The following GABPB1 variants were observed in gnomAD, a reference collection of about 807,000 sequenced individuals.
The protein encoded by GABPB1 is GA-binding protein subunit beta-1.
Under a neutral mutation model 45.9 loss-of-function variants are expected in GABPB1, and 15 were observed. That is an observed-to-expected ratio of 0.33 (90% CI 0.22 to 0.50). The LOEUF (loss-of-function observed/expected upper bound fraction) is 0.50, where lower values mean the gene tolerates loss of function less well. Among genes scored for constraint, GABPB1 ranks in the 20% least tolerant of loss-of-function variants. The pLI is 0.98. For synonymous variants in GABPB1, 143 were observed against 154.4 expected (o/e 0.93, Z 0.55); for missense variants, 252 against 457.5 (o/e 0.55, Z 4.10).
intron 1 of GABPB1, among the ~76,000 whole-genome samples, chr15:50,312,384 T>C (rs2047161491): frequency 6.6e-6 from 1 of 152,194 alleles, no homozygotes; most frequent in Non-Finnish European, 1.5e-5. Flanking sequence ...TTTTCTCCTA[T>C]TCTCTCATAC....
chr15:50,282,654 G>A (rs1232727859), intron 8 of GABPB1, among the ~76,000 whole-genome samples: 2 of 145,916 alleles, frequency 1.4e-5, no homozygotes, highest in Admixed American at 7.0e-5. Flanking sequence ...AGATTGAAAA[G>A]CTTTGCATCA....
intron 3 of GABPB1, among the ~76,000 whole-genome samples, chr15:50,303,615 G>C (rs568303789): frequency 1.3e-5 from 2 of 151,584 alleles, no homozygotes; most frequent in African/African-American, 4.8e-5. Context: ...CCAGGAGGTG[G>C]AGGTTGCAGT....
At chr15:50,283,696 G>C (rs1396211533) in intron 8 of GABPB1, among the ~76,000 whole-genome samples, 1 of 152,008 alleles carries the variant, frequency 6.6e-6, no homozygotes, top group African/African-American at 2.4e-5. Flanking sequence ...TTTTTTAGTA[G>C]AGATGGGGTT....
At chr15:50,346,362 A>G (rs1048262360) in intron 1 of GABPB1, 2 of 152,198 alleles carry the variant, frequency 1.3e-5, no homozygotes, top group African/African-American at 4.8e-5. Context: ...AAATCTTCAT[A>G]ATTACTCACC....
intron 6 of GABPB1, 111 bp from the exon 7 acceptor site, chr15:50,289,779 C>CTTTTTT (rs140176493): frequency 0.29 from 211,883 of 731,880 alleles, 22,904 homozygotes; most frequent in Admixed American, 0.34. Context: ...TTTCTTTTTT[C>CTTTTTT]TTTTTTAAAT....
chr15:50,343,049 A>G lies in GABPB1; in HGVS notation c.-1+11936T>C, dbSNP rs572327959. 3.3e-5 allele frequency among the ~76,000 whole-genome samples: 5 copies of G among 152,128 alleles called. No individual in the cohort carries two copies. The East Asian group carries it at 7.7e-4, about 24-fold the overall frequency. The stretch of plus-strand genomic sequence containing the variant: ...CGAGTAGCTGGGACTACAGGCGCCC[A>G]CCACCACACCCGGCTAATTTTTTGT... On this transcript the variant is annotated intron_variant, in intron 1 of 8. Transcript: ENST00000380877.
intron 1 of GABPB1, among the ~76,000 whole-genome samples, chr15:50,342,979 C>G (rs1315648118): frequency 0.025 from 1 of 40 alleles, no homozygotes; most frequent in Non-Finnish European, 0.036. Flanking sequence ...TGGCTCACTG[C>G]AAGTCCGCCT....
chr15:50,332,956 A>G (rs1002620147), intron 1 of GABPB1, among the ~76,000 whole-genome samples: 15 of 152,056 alleles, frequency 9.9e-5, no homozygotes, highest in Admixed American at 1.3e-4. Context: ...GTGATTTGAG[A>G]TCAATTTCAT....
intron 8 of GABPB1, among the ~76,000 whole-genome samples, chr15:50,279,012 A>C (rs2045896468): frequency 6.6e-6 from 1 of 152,130 alleles, no homozygotes; most frequent in Admixed American, 6.5e-5. Flanking sequence ...CAAGGAAATT[A>C]TTTTCCTATT....
intron 1 of GABPB1, among the ~76,000 whole-genome samples, chr15:50,328,466 G>C (rs1285949368): frequency 6.6e-6 from 1 of 151,806 alleles, no homozygotes; most frequent in African/African-American, 2.4e-5. Context: ...TCTTCCATAT[G>C]TCTTACAAAC....
chr15:50,352,236 G>A (rs1451329404), intron 1 of GABPB1: 1 of 151,748 alleles, frequency 6.6e-6, no homozygotes, highest in Non-Finnish European at 1.5e-5. Context: ...TGGTACTGAG[G>A]GGCAAAAGAA....
intron 1 of GABPB1, among the ~76,000 whole-genome samples, chr15:50,333,107 T>C (rs12909337): frequency 0.19 from 28,816 of 151,968 alleles, 2,942 homozygotes; most frequent in African/African-American, 0.24. Context: ...ATTCAGTTTA[T>C]TGAATTTTCA....
At chr15:50,334,505 C>CTTTTTTTTTTTTT (rs60433481) in intron 1 of GABPB1, among the ~76,000 whole-genome samples, 2 of 109,406 alleles carry the variant, frequency 1.8e-5, no homozygotes, top group African/African-American at 3.8e-5. Context: ...TCTTTTTTTC[C>CTTTTTTTTTTTTT]TTTTTTTTTT....
At chr15:50,285,735 G>T in intron 8 of GABPB1, 1 of 879,582 alleles carries the variant, frequency 1.1e-6, no homozygotes, top group Non-Finnish European at 1.4e-6. Flanking sequence ...AAAAATTTTA[G>T]CCAATATATA....
In GABPB1 at chr15:50,325,866, T is replaced by C. The variant is rs2047737876; in HGVS notation, c.1-16068A>G. Among the ~76,000 whole-genome samples the C allele has an allele frequency of 3.3e-5, 5 of 151,784 alleles. No homozygotes were observed. In the South Asian group the frequency reaches 1.0e-3, roughly 32 times the overall value. ...TCTTGAAGCCACTAACTTCAGAATA[T>C]GCAAGAAGTCATAACATTTTAAAAT... On this transcript the variant is annotated intron_variant, in intron 1 of 8. Coordinates refer to ENST00000380877, the MANE Select transcript of GABPB1 (RefSeq NM_016654.5).
At chr15:50,343,174 C>T (rs1567548573) in intron 1 of GABPB1, among the ~76,000 whole-genome samples, 1 of 152,168 alleles carries the variant, frequency 6.6e-6, no homozygotes, top group Non-Finnish European at 1.5e-5. Flanking sequence ...GCTGGGATTA[C>T]AGGCGTGAGC....
At chr15:50,351,277 A>T (rs1405861910) in intron 1 of GABPB1, 2 of 152,268 alleles carry the variant, frequency 1.3e-5, no homozygotes, top group Non-Finnish European at 2.9e-5. Context: ...CTGTTCTACC[A>T]ACTTCAGAAT....
chr15:50,345,774 C>T (rs1203017531), intron 1 of GABPB1, among the ~76,000 whole-genome samples: 1 of 151,264 alleles, frequency 6.6e-6, no homozygotes, highest in South Asian at 2.1e-4. Context: ...TGCAGTGGTG[C>T]GATCTCGGCT....
intron 2 of GABPB1, among the ~76,000 whole-genome samples, chr15:50,305,622 C>T (rs1379865082): frequency 1.3e-5 from 2 of 152,208 alleles, no homozygotes; most frequent in Non-Finnish European, 2.9e-5. Context: ...CTAGCCTTTT[C>T]TATACTCTTA....
Sources: allele counts gnomAD v4.1 joint callset (sites outside exome capture counted in the v4.1 genomes callset), GRCh38; gene constraint gnomAD v4.1.1; transcripts MANE v1.5; gene names NCBI Gene and HGNC (gene_info 2026-07-23, HGNC 2026-07-21).